The following OR8G1 variants were observed in gnomAD, a reference collection of about 807,000 sequenced individuals.
The protein encoded by OR8G1 is olfactory receptor 8G1.
For synonymous variants in OR8G1, 129 were observed against 133.3 expected (o/e 0.97, Z 0.22); for missense variants, 372 against 356.2 (o/e 1.04, Z -0.36).
rs1861868640 is a variant in OR8G1 at position 124,251,667 on chromosome 11, G to A, written c.*1056G>A. The A allele has an allele frequency of 1.0e-5, 2 of 198,698 alleles. No homozygotes were observed. The highest frequency in any genetic ancestry group is 1.4e-4 in the East Asian group (1 of 7,200). 12.3% of individuals were successfully genotyped at this position (198,698 alleles called of 1,614,324 possible). A position where few individuals can be genotyped will look rare whatever the true frequency, so the allele number is the denominator to read the frequency against. The stretch of plus-strand genomic sequence containing the variant: ...TCTTTTCAAACATGTGGCACAGGAA[G>A]GTTAAAAAATATGTTTGATGCCTGA... On this transcript the variant is annotated 3_prime_UTR_variant, in exon 3 of 3. Transcript: ENST00000641972.
In OR8G1 at chr11:124,250,745, C is replaced by A. The variant is rs1235723002; in HGVS notation, c.*134C>A. The A allele has an allele frequency of 4.3e-5, 16 of 373,292 alleles. 2 individuals are homozygous for A. In the East Asian group the frequency reaches 5.9e-4, roughly 14 times the overall value. The allele number at this position is 373,292 out of a possible 1,614,324, so 23.1% of individuals were successfully genotyped here. On this transcript the variant is annotated 3_prime_UTR_variant, in exon 3 of 3. Transcript: ENST00000641972. ...TGAGATTATATTACCATTATTTTTT[C>A]ATTTCATGACCCTTTGATGTCATTT...
At chr11:124,248,141 A>G (rs1466037416) in intron 2 of OR8G1, among the ~76,000 whole-genome samples, 1 of 151,982 alleles carries the variant, frequency 6.6e-6, no homozygotes, top group East Asian at 1.9e-4. Context: ...CATATACTTA[A>G]GGACTATTCA....
chr11:124,247,882 T>G lies in OR8G1; in HGVS notation c.-17+2T>G, dbSNP rs1386792714. The G allele has an allele frequency of 6.6e-6, 1 of 151,960 alleles. No homozygotes were observed. Among genetic ancestry groups the G allele is most frequent in the Non-Finnish European group, 1.5e-5 (1 of 67,900 alleles). 9.4% of individuals were successfully genotyped at this position (151,960 alleles called of 1,614,324 possible). A position where few individuals can be genotyped will look rare whatever the true frequency, so the allele number is the denominator to read the frequency against. ...GACAAACGTTTACATTTTTCTTGGGTAAGTACTGAGGAGCAGAATTATTAT... is the reference window on the plus strand; with the variant it reads ...GACAAACGTTTACATTTTTCTTGGGGAAGTACTGAGGAGCAGAATTATTAT... On this transcript the variant is annotated splice_donor_variant, in intron 2 of 2. Transcript: ENST00000641972. LOFTEE classifies it low-confidence loss of function (5UTR_SPLICE).
In OR8G1 at chr11:124,251,416, CTAATT is replaced by C. The variant is rs768141269; in HGVS notation, c.*813_*817del. ...AGCTACATATGTTTTTAAATCTAAT[CTAATT>C]TAATTTATATTTCAAGTTGATTAAA... On this transcript the variant is annotated 3_prime_UTR_variant, in exon 3 of 3. Transcript: ENST00000641972. 3 of 1,027,774 alleles carry C rather than the reference CTAATT, an allele frequency of 2.9e-6. No individual in the cohort carries two copies. Among genetic ancestry groups the C allele is most frequent in the African/African-American group, 3.1e-5 (2 of 65,390 alleles). 63.7% of individuals were successfully genotyped at this position (1,027,774 alleles called of 1,614,324 possible). A position where few individuals can be genotyped will look rare whatever the true frequency, so the allele number is the denominator to read the frequency against.
Position 124,250,569 on chromosome 11 carries a change from T to C in OR8G1, c.894T>C (p.His298=). The change falls in exon 3 of 3, where the codon CAT becomes CAC. Residue 298 remains histidine, a synonymous_variant. Transcript: ENST00000641972. The part of the protein sequence containing the change: ...LIYSLRNKDV[H]VSLKKMLQRR... ...ATAGCCTGAGGAATAAAGATGTCCA[T>C]GTTTCCCTGAAGAAAATGCTACAGA... The C allele has an allele frequency of 7.9e-6, 8 of 1,012,718 alleles. 2 individuals carry two copies. Among genetic ancestry groups the C allele is most frequent in the Non-Finnish European group, 1.1e-5 (8 of 740,206 alleles). 62.7% of individuals were successfully genotyped at this position (1,012,718 alleles called of 1,614,324 possible).
intron 1 of OR8G1, among the ~76,000 whole-genome samples, chr11:124,244,157 A>G (rs1315360429): frequency 6.6e-6 from 1 of 151,660 alleles, no homozygotes; most frequent in Non-Finnish European, 1.5e-5. Context: ...GGAGAGAGGG[A>G]GAGAGAGATG....
At position 124,247,560 on chromosome 11, in the gene OR8G1, G is replaced by A. The variant is rs114936453; in HGVS notation, c.-96-241G>A. On this transcript the variant is annotated intron_variant, in intron 1 of 2. Transcript: ENST00000641972. ...ACCGTAAGTCTAGATTGCTATACTG[G>A]TGAATACTTCCAAACATTTAAGGTA... is the stretch of plus-strand genomic sequence containing the variant. Among the ~76,000 whole-genome samples, 1,167 of 151,912 alleles carry A rather than the reference G, an allele frequency of 7.7e-3. 21 individuals are homozygous for A. Among genetic ancestry groups the A allele is most frequent in the African/African-American group, 0.027 (1,111 of 41,508 alleles).
At position 124,251,848 on chromosome 11, in the gene OR8G1, T is replaced by C. The variant is rs994383803; in HGVS notation, c.*1237T>C. 2 of 153,004 alleles carry C rather than the reference T, an allele frequency of 1.3e-5. No homozygotes were observed. The highest frequency in any genetic ancestry group is 1.3e-4 in the Admixed American group (2 of 15,422). 9.5% of individuals were successfully genotyped at this position (153,004 alleles called of 1,614,324 possible). Reference sequence around the variant, plus strand: ...TAGATATTTAGTGAATTTTATGATATATAAAATATACTTCAATAAAATTGC... The same window carrying C: ...TAGATATTTAGTGAATTTTATGATACATAAAATATACTTCAATAAAATTGC... On this transcript the variant is annotated 3_prime_UTR_variant, in exon 3 of 3. Coordinates refer to ENST00000641972, the MANE Select transcript of OR8G1 (RefSeq NM_001002905.2).
chr11:124,243,251 G>A (rs1565314809), intron 1 of OR8G1, among the ~76,000 whole-genome samples: 2 of 151,868 alleles, frequency 1.3e-5, no homozygotes, highest in Non-Finnish European at 2.9e-5. Flanking sequence ...ACACGCAGGA[G>A]TAAACATAAT....
At chr11:124,244,998 T>C (rs1197698208) in intron 1 of OR8G1, among the ~76,000 whole-genome samples, 2 of 118,094 alleles carry the variant, frequency 1.7e-5, no homozygotes, top group Admixed American at 8.0e-5. Flanking sequence ...TTAACCTTAT[T>C]AAGAATTTCT....
intron 1 of OR8G1, among the ~76,000 whole-genome samples, chr11:124,244,201 A>G (rs181004045): frequency 1.3e-5 from 2 of 152,126 alleles, no homozygotes; most frequent in Admixed American, 1.3e-4. Flanking sequence ...CAGAAGAACT[A>G]GAAACAAAAT....
At chr11:124,243,266 C>G (rs1452726530) in intron 1 of OR8G1, among the ~76,000 whole-genome samples, 1 of 151,776 alleles carries the variant, frequency 6.6e-6, no homozygotes, top group Non-Finnish European at 1.5e-5. Context: ...CATAATAGAC[C>G]AGGAGCCCTA....
intron 1 of OR8G1, among the ~76,000 whole-genome samples, chr11:124,244,171 A>AGAG (rs1861789365): frequency 2.6e-5 from 4 of 151,768 alleles, no homozygotes; most frequent in Admixed American, 2.0e-4. Flanking sequence ...AGAGATGGAG[A>AGAG]AGCAGGGTGG....
rs142058514 is a variant in OR8G1, at chr11:124,250,365, C to T, written c.690C>T (p.Ser230=). The change falls in exon 3 of 3, where the codon TCC becomes TCT. Residue 230 remains serine, a synonymous_variant. Transcript: ENST00000641972. The part of the protein sequence containing the change: ...FIIASILHIR[S]TEGRSKAFST... ...TTGCCAGCATCCTCCACATTCGCTC[C>T]ACTGAGGGCAGGTCCAAAGCCTTCA... 432 of 1,613,836 alleles carry T rather than the reference C, an allele frequency of 2.7e-4. 2 individuals are homozygous for T. The African/African-American group carries it at 5.0e-3, about 19-fold the overall frequency.
chr11:124,242,106 T>C lies in OR8G1; in HGVS notation c.-97+742T>C, dbSNP rs575941793. Among the ~76,000 whole-genome samples the C allele has an allele frequency of 4.6e-5, 7 of 151,924 alleles. No individual in the cohort carries two copies. The East Asian group carries it at 1.4e-3, about 29-fold the overall frequency. ...ATATATTTTTATTATTATTATACTT[T>C]AAGTTTTAGGGTACATGTGCACACT... On this transcript the variant is annotated intron_variant, in intron 1 of 2. Coordinates refer to ENST00000641972, the MANE Select transcript of OR8G1 (RefSeq NM_001002905.2).
Position 124,249,765 on chromosome 11 carries a change from G to C in OR8G1, c.90G>C (p.Leu30=), listed in dbSNP as rs1217379634. ...AGCTCCAGCTGCCCCTCTTCCTCCT[G>C]TTCTTAGGAATCTATGTGGTCACAG... ...QPELQLPLFL[L]FLGIYVVTVV... The change falls in exon 3 of 3, where the codon CTG becomes CTC. Residue 30 remains leucine (L), a synonymous_variant. Coordinates refer to ENST00000641972, the MANE Select transcript of OR8G1 (RefSeq NM_001002905.2). The C allele has an allele frequency of 6.2e-7, 1 of 1,613,804 alleles. No homozygotes were observed. The highest frequency in any genetic ancestry group is 1.7e-5 in the Admixed American group (1 of 59,946).
chr11:124,249,733 C>T lies in OR8G1; in HGVS notation c.58C>T (p.Gln20Ter). 1 of 1,613,588 alleles carries T rather than the reference C, an allele frequency of 6.2e-7. No individual in the cohort carries two copies. Among genetic ancestry groups the T allele is most frequent in the Non-Finnish European group, 8.5e-7 (1 of 1,179,744 alleles). ...GTTCATTCTGGCTGGGCTCTCAGAA[C>T]AGCCAGAGCTCCAGCTGCCCCTCTT... ...TEFILAGLSE[Q>*]PELQLPLFLL... Residue 20 changes from glutamine (Q) to a stop codon, truncating the protein, a stop_gained, in exon 3 of 3, where the codon CAG (glutamine) becomes TAG (stop). Coordinates refer to ENST00000641972, the MANE Select transcript of OR8G1 (RefSeq NM_001002905.2). LOFTEE classifies it low-confidence loss of function (END_TRUNC).
Position 124,249,668 on chromosome 11 carries a change from TGGA to T in OR8G1, c.-3_-1del. 1 of 1,610,704 alleles carries T rather than the reference TGGA, an allele frequency of 6.2e-7. No individual in the cohort carries two copies. Among genetic ancestry groups the T allele is most frequent in the Non-Finnish European group, 8.5e-7 (1 of 1,178,180 alleles). ...TTTTTCTCTTCCTGCAGAAACTGACTGGAGGAGATGTCAGGAGAAAATAATTCC... is the reference window on the plus strand; with the variant it reads ...TTTTTCTCTTCCTGCAGAAACTGACTGGAGATGTCAGGAGAAAATAATTCC... On this transcript the variant is annotated 5_prime_UTR_variant, in exon 3 of 3. Coordinates refer to ENST00000641972, the MANE Select transcript of OR8G1 (RefSeq NM_001002905.2).
chr11:124,248,373 T>G (rs1565316050), intron 2 of OR8G1, among the ~76,000 whole-genome samples: 1 of 151,858 alleles, frequency 6.6e-6, no homozygotes, highest in African/African-American at 2.4e-5. Flanking sequence ...GTTTTTTGTT[T>G]GTTTGCTTTG....
Sources: gnomAD v4.1 joint callset for allele counts (sites outside exome capture counted in the v4.1 genomes callset) on GRCh38, gnomAD v4.1.1 for gene constraint, MANE v1.5 for transcripts, NCBI Gene and HGNC (gene_info 2026-07-23, HGNC 2026-07-21) for gene names.